Variants in CNBD1 observed in about 807,000 individuals in gnomAD.
CNBD1 encodes cyclic nucleotide-binding domain-containing protein 1.
A neutral mutation model predicts 54.4 loss-of-function variants in CNBD1; 71 were observed. That is an observed-to-expected ratio of 1.30 (90% CI 1.08 to 1.59). The LOEUF is 1.59. Ranked by LOEUF, CNBD1 falls within the 40% of genes most tolerant of loss-of-function variation. The probability of loss-of-function intolerance (pLI) is 0.00; values close to 1 mark genes in which losing one functional copy is unlikely to be tolerated. For synonymous variants in CNBD1, 182 were observed against 170.7 expected (o/e 1.07, Z -0.51); for missense variants, 659 against 518.0 (o/e 1.27, Z -2.64).
At chr8:87,042,539 T>G (rs1213010854) in intron 4 of CNBD1, among the ~76,000 whole-genome samples, 1 of 152,180 alleles carries the variant, frequency 6.6e-6, no homozygotes, top group Non-Finnish European at 1.5e-5. Context: ...CAACAAAAGT[T>G]AAATGATGGG....
At chr8:87,141,629 A>C (rs6996500) in intron 4 of CNBD1, among the ~76,000 whole-genome samples, 75,011 of 151,660 alleles carry the variant, frequency 0.49, 18,809 homozygotes, top group African/African-American at 0.56. Context: ...TATGTGTAAT[A>C]TTTTCAAATA....
chr8:87,331,363 T>G (rs1355795804), intron 8 of CNBD1, among the ~76,000 whole-genome samples: 1 of 152,214 alleles, frequency 6.6e-6, no homozygotes, highest in Non-Finnish European at 1.5e-5. Flanking sequence ...GCTTCCAGTT[T>G]CATCAAAGTC....
intron 4 of CNBD1, among the ~76,000 whole-genome samples, chr8:87,027,257 G>A (rs1186731351): frequency 2.6e-5 from 4 of 151,968 alleles, no homozygotes; most frequent in African/African-American, 9.7e-5. Context: ...TCCCATGGCA[G>A]TTTTATTTTT....
chr8:87,185,694 G>A (rs1464023444), intron 4 of CNBD1, among the ~76,000 whole-genome samples: 1 of 152,012 alleles, frequency 6.6e-6, no homozygotes. Flanking sequence ...ATCTTTTTAG[G>A]TGCTTCAGTT....
At chr8:86,958,453 G>T (rs924015045) in intron 4 of CNBD1, among the ~76,000 whole-genome samples, 3 of 152,166 alleles carry the variant, frequency 2.0e-5, no homozygotes, top group Non-Finnish European at 4.4e-5. Context: ...TTATTATTGT[G>T]TGGGAGTCTA....
chr8:87,221,376 G>A (rs960681187), intron 5 of CNBD1, among the ~76,000 whole-genome samples: 2 of 152,010 alleles, frequency 1.3e-5, no homozygotes, highest in African/African-American at 4.8e-5. Context: ...TGACAAACTG[G>A]GTAATTCACT....
At chr8:87,225,572 G>A (rs531919914) in intron 5 of CNBD1, among the ~76,000 whole-genome samples, 3,149 of 152,002 alleles carry the variant, frequency 0.021, 102 homozygotes, top group African/African-American at 0.068. Flanking sequence ...AACCAGCCTT[G>A]TATCCCAGGG....
chr8:87,337,384 C>G (rs1368989355), intron 8 of CNBD1, among the ~76,000 whole-genome samples: 1 of 152,182 alleles, frequency 6.6e-6, no homozygotes, highest in East Asian at 1.9e-4. Context: ...AGAGTTCTGT[C>G]CCTGAGCTTC....
intron 5 of CNBD1, among the ~76,000 whole-genome samples, chr8:87,220,499 GT>G (rs111608836): frequency 0.11 from 13,877 of 126,558 alleles, 829 homozygotes; most frequent in African/African-American, 0.2. Context: ...AACTGTCCAA[GT>G]TTTTTTTTTT....
chr8:87,375,251 G>T (rs570266905), intron 10 of CNBD1, among the ~76,000 whole-genome samples: 2 of 151,792 alleles, frequency 1.3e-5, no homozygotes, highest in South Asian at 2.1e-4. Context: ...TTTAAAAACA[G>T]CTGATAGTTT....
At chr8:87,307,141 G>A (rs1406742647) in intron 8 of CNBD1, among the ~76,000 whole-genome samples, 1 of 152,084 alleles carries the variant, frequency 6.6e-6, no homozygotes, top group Non-Finnish European at 1.5e-5. Flanking sequence ...ATTCGTCTTA[G>A]ATTTCATAAA....
intron 4 of CNBD1, among the ~76,000 whole-genome samples, chr8:87,071,203 T>C (rs1431006392): frequency 2.0e-5 from 3 of 152,142 alleles, no homozygotes; most frequent in African/African-American, 4.8e-5. Context: ...ATTCAATATA[T>C]AAATTTCTCA....
downstream of CNBD1, among the ~76,000 whole-genome samples, chr8:87,384,894 A>C (rs114190576): frequency 6.6e-6 from 1 of 152,164 alleles, no homozygotes; most frequent in African/African-American, 2.4e-5. Context: ...GTGAAAGGGG[A>C]CATTGTAAAA....
chr8:87,264,573 C>G (rs1476190793), intron 6 of CNBD1, among the ~76,000 whole-genome samples: 2 of 152,164 alleles, frequency 1.3e-5, no homozygotes, highest in Non-Finnish European at 1.5e-5. Context: ...GGAATCACCA[C>G]ACTGTCTTCC....
At chr8:87,332,214 T>G (rs1809849550) in intron 8 of CNBD1, among the ~76,000 whole-genome samples, 1 of 152,038 alleles carries the variant, frequency 6.6e-6, no homozygotes, top group South Asian at 2.1e-4. Context: ...TGGGCGTGGT[T>G]GTGGGCACCT....
chr8:87,119,163 C>A (rs1177942725), intron 4 of CNBD1, among the ~76,000 whole-genome samples: 4 of 151,884 alleles, frequency 2.6e-5, no homozygotes, highest in East Asian at 1.9e-4. Context: ...GAGATTGAAT[C>A]AAATCTGTAG....
chr8:87,234,712 G>A (rs974004206), intron 5 of CNBD1, among the ~76,000 whole-genome samples: 2 of 152,110 alleles, frequency 1.3e-5, no homozygotes, highest in Non-Finnish European at 2.9e-5. Flanking sequence ...TTTTTGGGAT[G>A]GTAAAGGAGT....
At chr8:86,929,388 T>C (rs1381940505) in intron 3 of CNBD1, among the ~76,000 whole-genome samples, 2 of 152,236 alleles carry the variant, frequency 1.3e-5, no homozygotes, top group African/African-American at 4.8e-5. Context: ...TTCTGCTAAC[T>C]GGGCGCTGGT....
intron 4 of CNBD1, among the ~76,000 whole-genome samples, chr8:87,087,910 G>T (rs1469295564): frequency 6.6e-6 from 1 of 152,150 alleles, no homozygotes; most frequent in African/African-American, 2.4e-5. Flanking sequence ...TCAGCAGGTG[G>T]TGAATCCTAG....
Sources: gnomAD v4.1 joint callset for allele counts (sites outside exome capture counted in the v4.1 genomes callset) on GRCh38, gnomAD v4.1.1 for gene constraint, MANE v1.5 for transcripts, NCBI Gene and HGNC (gene_info 2026-07-23, HGNC 2026-07-21) for gene names.